ZBTB7C: variants seen among roughly 807,000 people sequenced by gnomAD.
ZBTB7C encodes zinc finger and BTB domain containing 7C, also known as zinc finger and BTB domain-containing protein 7C.
ZBTB7C carries 8 observed loss-of-function variants against 25.7 expected under a neutral mutation model. The observed-to-expected ratio is 0.31, with a 90% CI of 0.18 to 0.56. The LOEUF is 0.56. ZBTB7C is among the 20% of genes least tolerant of loss of function. The pLI is 0.91. For missense variants in ZBTB7C, 824 were observed against 855.2 expected (o/e 0.96, Z 0.46); for synonymous variants, 394 against 369.0 (o/e 1.07, Z -0.78).
intron 1 of ZBTB7C, among the ~76,000 whole-genome samples, chr18:48,358,979 G>C (rs2047040430): frequency 6.6e-6 from 1 of 152,180 alleles, no homozygotes; most frequent in African/African-American, 2.4e-5. Flanking sequence ...GGTTTAGGCT[G>C]ATGCAGTAGC....
At chr18:48,395,265 A>ATGTGTGTGTGTGTGTGTGTGTGTG in intron 1 of ZBTB7C, among the ~76,000 whole-genome samples, 1 of 103,624 alleles carries the variant, frequency 9.7e-6, no homozygotes, top group East Asian at 3.7e-4. Context: ...GAGAGAGAGA[A>ATGTGTGTGTGTGTGTGTGTGTGTG]TGTGTGTGTG....
chr18:48,350,255 G>T (rs995178852), intron 1 of ZBTB7C, among the ~76,000 whole-genome samples: 11 of 152,150 alleles, frequency 7.2e-5, no homozygotes, highest in African/African-American at 2.7e-4. Context: ...CTTCCTGGAG[G>T]CTCTAGGGAG....
chr18:48,099,725 T>C (rs1480449016), intron 3 of ZBTB7C, among the ~76,000 whole-genome samples: 1 of 152,190 alleles, frequency 6.6e-6, no homozygotes, highest in African/African-American at 2.4e-5. Flanking sequence ...GGTTCTCAAT[T>C]GGCCCCTCAG....
At chr18:48,030,576 G>C (rs939673264) in intron 4 of ZBTB7C, among the ~76,000 whole-genome samples, 1 of 152,198 alleles carries the variant, frequency 6.6e-6, no homozygotes, top group African/African-American at 2.4e-5. Context: ...GCCTAATCTA[G>C]GGCAAAACTT....
rs61132755 is a variant in ZBTB7C, at chr18:48,284,791, CAAA to C, written c.-79+53380_-79+53382del. ...AGGAAACAGAGTGAGACTCGGTCTC[CAAA>C]AAAAAAAAAAAAAAAAACAGAGAGA... On this transcript the variant is annotated intron_variant, in intron 2 of 4. Coordinates refer to ENST00000590800, the MANE Select transcript of ZBTB7C (RefSeq NM_001318841.2). Among the ~76,000 whole-genome samples the C allele has an allele frequency of 5.5e-3, 508 of 93,054 alleles. 2 individuals carry two copies. Among genetic ancestry groups the C allele is most frequent in the African/African-American group, 7.9e-3 (196 of 24,900 alleles). 61.0% of individuals were successfully genotyped at this position (93,054 alleles called of 152,430 possible).
At chr18:48,199,992 TTGTG>T (rs57540482) in intron 2 of ZBTB7C, among the ~76,000 whole-genome samples, 23,496 of 149,184 alleles carry the variant, frequency 0.16, 1,949 homozygotes, top group Non-Finnish European at 0.19. Context: ...GGAAATGTAT[TTGTG>T]TGTGTGTGTG....
At chr18:48,090,114 A>T (rs2038356174) in intron 3 of ZBTB7C, among the ~76,000 whole-genome samples, 2 of 152,238 alleles carry the variant, frequency 1.3e-5, no homozygotes, top group South Asian at 4.1e-4. Context: ...AAGTGCCAGG[A>T]AAACACCCAC....
At chr18:48,276,565 C>A in intron 2 of ZBTB7C, among the ~76,000 whole-genome samples, 1 of 113,218 alleles carries the variant, frequency 8.8e-6, no homozygotes, top group South Asian at 3.4e-4. Flanking sequence ...GTTTTTTGTT[C>A]TTGCGATAGT....
intron 1 of ZBTB7C, among the ~76,000 whole-genome samples, chr18:48,368,256 AAATC>A (rs2047298283): frequency 6.6e-6 from 1 of 151,864 alleles, no homozygotes; most frequent in Non-Finnish European, 1.5e-5. Context: ...AAAAAAAAAA[AAATC>A]AAATATAAAG....
At chr18:48,154,977 C>G (rs1025161423) in intron 3 of ZBTB7C, among the ~76,000 whole-genome samples, 6 of 152,256 alleles carry the variant, frequency 3.9e-5, no homozygotes, top group Non-Finnish European at 8.8e-5. Context: ...TCACCCAGTG[C>G]TGCCTCCTAG....
intron 2 of ZBTB7C, among the ~76,000 whole-genome samples, chr18:48,314,045 C>A (rs1462738057): frequency 6.6e-6 from 1 of 152,210 alleles, no homozygotes; most frequent in African/African-American, 2.4e-5. Flanking sequence ...CAGAGGCCAG[C>A]ACCGTGCTTC....
At chr18:48,355,909 C>T (rs764979758) in intron 1 of ZBTB7C, among the ~76,000 whole-genome samples, 2 of 152,196 alleles carry the variant, frequency 1.3e-5, no homozygotes, top group Non-Finnish European at 2.9e-5. Context: ...AGACCTCACA[C>T]CCCAGGTGAG....
intron 3 of ZBTB7C, among the ~76,000 whole-genome samples, chr18:48,044,858 A>T (rs928991142): frequency 1.2e-4 from 19 of 152,186 alleles, no homozygotes; most frequent in African/African-American, 4.6e-4. Context: ...CCTCACAATA[A>T]CGCATTTAGC....
intron 3 of ZBTB7C, among the ~76,000 whole-genome samples, chr18:48,109,575 T>A (rs2144657709): frequency 6.6e-6 from 1 of 152,074 alleles, no homozygotes; most frequent in East Asian, 1.9e-4. Flanking sequence ...GATAGAAAAT[T>A]TGTGAACAAT....
At chr18:48,075,521 G>T (rs2037729311) in intron 3 of ZBTB7C, among the ~76,000 whole-genome samples, 1 of 152,128 alleles carries the variant, frequency 6.6e-6, no homozygotes, top group South Asian at 2.1e-4. Context: ...CCTCACCGTG[G>T]GCTTGGCTGA....
chr18:48,406,740 C>T (rs2048291569), intron 1 of ZBTB7C, among the ~76,000 whole-genome samples: 1 of 152,206 alleles, frequency 6.6e-6, no homozygotes, highest in Admixed American at 6.5e-5. Flanking sequence ...ATCAAACTTA[C>T]AAAATATTCT....
At chr18:48,395,248 G>GGAGA (rs1045625680) in intron 1 of ZBTB7C, among the ~76,000 whole-genome samples, 2 of 148,076 alleles carry the variant, frequency 1.4e-5, no homozygotes, top group African/African-American at 5.0e-5. Context: ...TCTCGTTTAA[G>GGAGA]GAGAGAGAGA....
At chr18:48,084,125 G>A (rs2144504990) in intron 3 of ZBTB7C, among the ~76,000 whole-genome samples, 1 of 152,298 alleles carries the variant, frequency 6.6e-6, no homozygotes, top group East Asian at 1.9e-4. Context: ...GGGTGGTGTT[G>A]AGGAAGGAAG....
rs1944575 is a variant in ZBTB7C at position 48,348,710 on chromosome 18, G to T, written c.-303-10312C>A. Reference sequence around the variant, plus strand: ...CACATGCCTATAATCCCCGCTACTCGGGAGGCTGAGGCAGGAGAATAGCTT... The same window carrying T: ...CACATGCCTATAATCCCCGCTACTCTGGAGGCTGAGGCAGGAGAATAGCTT... On this transcript the variant is annotated intron_variant, in intron 1 of 4. Transcript: ENST00000590800. 1.1e-4 allele frequency among the ~76,000 whole-genome samples: 16 copies of T among 152,262 alleles called. No homozygotes were observed. In the East Asian group the frequency reaches 3.1e-3, roughly 29 times the overall value.
Sources: gnomAD v4.1 joint callset for allele counts (sites outside exome capture counted in the v4.1 genomes callset) on GRCh38, gnomAD v4.1.1 for gene constraint, MANE v1.5 for transcripts, NCBI Gene and HGNC (gene_info 2026-07-23, HGNC 2026-07-21) for gene names.